UBA1: variants seen among roughly 807,000 people sequenced by gnomAD.
UBA1 encodes the protein ubiquitin-like modifier-activating enzyme 1.
In UBA1, 4 loss-of-function variants were observed where a neutral mutation model predicts 84.7. The ratio of observed to expected loss-of-function variants is 0.05; its 90% confidence interval spans 0.02 to 0.11. UBA1 has a LOEUF of 0.11. Ranked by LOEUF, UBA1 falls within the 10% of genes least tolerant of loss-of-function variation. The pLI is 1.00. For synonymous variants in UBA1, 364 were observed against 362.6 expected (o/e 1.00, Z -0.04); for missense variants, 513 against 902.8 (o/e 0.57, Z 5.53).
At chrX:47,202,051 T>C (rs1299811078) in intron 8 of UBA1, 105 bp from the exon 9 acceptor site, 8 of 659,052 alleles carry the variant, frequency 1.2e-5, no homozygotes, top group Non-Finnish European at 1.9e-5. Context: ...GGAAGACAGC[T>C]TCTGATGTCT....
At chrX:47,207,927 A>G (rs1936740326) in intron 16 of UBA1, among the ~76,000 whole-genome samples, 1 of 111,809 alleles carries the variant, frequency 8.9e-6, no homozygotes, top group Admixed American at 9.5e-5. Context: ...ATATATATGT[A>G]TTTGCTCATT....
rs1556793144 is a variant in UBA1, at chrX:47,210,889, A to G, written c.2247A>G (p.Pro749=). 1 of 1,211,113 alleles carries G rather than the reference A, an allele frequency of 8.3e-7. No individual in the cohort carries two copies. ...APFWSGPKRC[P]HPLTFDVNNP... ...TCTGGTCTGGGCCCAAACGCTGTCC[A>G]CACCCGCTCACCTTTGATGTCAACA... is the stretch of plus-strand genomic sequence containing the variant. Residue 749 remains proline, a synonymous_variant, in exon 19 of 26, where the codon CCA becomes CCG. Coordinates refer to ENST00000335972, the MANE Select transcript of UBA1 (RefSeq NM_003334.4).
intron 14 of UBA1, among the ~76,000 whole-genome samples, chrX:47,204,415 A>G (rs1332811117): frequency 2.7e-5 from 3 of 111,076 alleles, no homozygotes; most frequent in African/African-American, 6.6e-5. Context: ...AACAGTAACT[A>G]CAGAAATAAC....
rs943850965 is a variant in UBA1 at position 47,201,768 on chromosome X, T to A, written c.811+158T>A. Among the ~76,000 whole-genome samples, 3 of 111,768 alleles carry A rather than the reference T, an allele frequency of 2.7e-5. No homozygotes were observed. In the Admixed American group the frequency reaches 2.8e-4, roughly 11 times the overall value. On this transcript the variant is annotated intron_variant, in intron 8 of 25. Coordinates refer to ENST00000335972, the MANE Select transcript of UBA1 (RefSeq NM_003334.4). ...CTACAGACAATCCTGTGGGGTCCAATAAGAGCTGGTGGGCATGGGGGAGAG... is the reference window on the plus strand; with the variant it reads ...CTACAGACAATCCTGTGGGGTCCAAAAAGAGCTGGTGGGCATGGGGGAGAG...
At position 47,203,604 on chromosome X, in the gene UBA1, G is replaced by A. The variant is rs1556789396; in HGVS notation, c.1483G>A (p.Gly495Arg). ...CTTTGCCATGATTGGGCTGGGCTGC[G>A]GGGAGGGTGGAGAAATCATCGTTAC... ...KNFAMIGLGC[G>R]EGGEIIVTDM... The change falls in exon 14 of 26, where the codon GGG becomes AGG. Residue 495 changes from glycine to arginine, a missense_variant. This residue lies in a region of UBA1 where 55 missense variants were observed against 104.8 expected (regional missense o/e 0.52). Coordinates refer to ENST00000335972, the MANE Select transcript of UBA1 (RefSeq NM_003334.4). The A allele has an allele frequency of 6.6e-6, 8 of 1,208,911 alleles. No homozygotes were observed. In the East Asian group the frequency reaches 8.9e-5, roughly 13 times the overall value.
chrX:47,214,237 C>A, intron 23 of UBA1, 90 bp from the exon 24 acceptor site: 1 of 780,907 alleles, frequency 1.3e-6, no homozygotes, highest in Non-Finnish European at 2.0e-6. Context: ...TGACTAAACA[C>A]GTCTGCATGG....
chrX:47,209,855 G>A (rs1269718089), intron 17 of UBA1, 73 bp from the exon 18 acceptor site: 4 of 1,151,533 alleles, frequency 3.5e-6, no homozygotes, highest in African/African-American at 1.8e-5. Context: ...CATGGAGAAA[G>A]TAAGATTGCT....
At chrX:47,192,558 A>G (rs988188831), upstream of UBA1, among the ~76,000 whole-genome samples, 13 of 111,101 alleles carry the variant, frequency 1.2e-4, no homozygotes, top group Admixed American at 2.9e-4. Flanking sequence ...TGTGCCAGCA[A>G]TGTTCTAAGG....
intron 3 of UBA1, 28 bp downstream of exon 3, chrX:47,199,134 G>A: frequency 2.5e-6 from 3 of 1,212,266 alleles, no homozygotes; most frequent in Non-Finnish European, 3.4e-6. Flanking sequence ...CGGGCTGAGG[G>A]GTGTGGAATG....
At chrX:47,191,836 G>T (rs1188725300), upstream of UBA1, 1 of 111,936 alleles carries the variant, frequency 8.9e-6, no homozygotes, top group African/African-American at 3.3e-5. Flanking sequence ...TCCGCGGTTA[G>T]CTTTCCCTTG....
chrX:47,202,682 T>G lies in UBA1; in HGVS notation c.1101T>G (p.Ala367=). ...ELVALAQAVN[A]RALPAVQQNN... is the part of the protein sequence containing the mutation. ...TAGCCTTAGCACAGGCTGTGAATGC[T>G]CGAGCCCTGCCAGCAGTGCAGCAAA... Residue 367 remains alanine (A), a synonymous_variant, in exon 11 of 26, where the codon GCT becomes GCG. Transcript: ENST00000335972. The G allele has an allele frequency of 8.3e-7, 1 of 1,212,079 alleles. No individual in the cohort carries two copies. The highest frequency in any genetic ancestry group is 1.1e-6 in the Non-Finnish European group (1 of 895,527).
chrX:47,215,021 A>G lies in UBA1; in HGVS notation c.*92A>G. The G allele has an allele frequency of 8.7e-7, 1 of 1,147,751 alleles. No individual in the cohort carries two copies. Among genetic ancestry groups the G allele is most frequent in the Non-Finnish European group, 1.2e-6 (1 of 848,827 alleles). The allele number at this position is 1,147,751 out of a possible 1,213,427, so 94.6% of individuals were successfully genotyped here. A position where few individuals can be genotyped will look rare whatever the true frequency, so the allele number is the denominator to read the frequency against. On this transcript the variant is annotated 3_prime_UTR_variant, in exon 26 of 26. Coordinates refer to ENST00000335972, the MANE Select transcript of UBA1 (RefSeq NM_003334.4). ...CCATTTGGCTTCTGGCAGTGGCCCAACTAGCCAAGTCTGGTGTTCCCTCAT... is the reference window on the plus strand; with the variant it reads ...CCATTTGGCTTCTGGCAGTGGCCCAGCTAGCCAAGTCTGGTGTTCCCTCAT...
At position 47,198,810 on chromosome X, in the gene UBA1, G is replaced by A; in HGVS notation, c.8G>A (p.Ser3Asn). 2 of 1,211,536 alleles carry A rather than the reference G, an allele frequency of 1.7e-6. No homozygotes were observed. Among genetic ancestry groups the A allele is most frequent in the Non-Finnish European group, 2.2e-6 (2 of 895,370 alleles). The change falls in exon 2 of 26, where the codon AGC becomes AAC. Residue 3 changes from serine (S) to asparagine (N), a missense_variant. Physicochemically the swap from Ser to Asn is conservative, Grantham distance 46 (BLOSUM62 1). This residue lies in a region of UBA1 where 38 missense variants were observed against 43.4 expected (regional missense o/e 0.88). Coordinates refer to ENST00000335972, the MANE Select transcript of UBA1 (RefSeq NM_003334.4). ...GACCTTTTTTTCCTCCAGATGTCCA[G>A]CTCGCCGCTGTCCAAGAAACGTCGC... MSSSPLSKKRRVS... is the reference protein window; with the variant it reads MSNSPLSKKRRVS...
rs376865055 is a variant in UBA1 at position 47,199,415 on chromosome X, C to T, written c.345+38C>T. The T allele has an allele frequency of 1.1e-5, 13 of 1,210,414 alleles. No homozygotes were observed. In the African/African-American group the frequency reaches 2.1e-4, roughly 20 times the overall value. The stretch of plus-strand genomic sequence containing the variant: ...AGCACCCTTCCCCCTTTCCCCCTTC[C>T]CGAGGCACCACTGTTCCCGGTGCCA... On this transcript the variant is annotated intron_variant, in intron 4 of 25. Transcript: ENST00000335972.
intron 1 of UBA1, chrX:47,198,286 A>G (rs1556786180): frequency 1.0e-6 from 1 of 980,829 alleles, no homozygotes; most frequent in East Asian, 7.5e-5. Flanking sequence ...GCTGCTTGTT[A>G]CTGCCTACCT....
chrX:47,197,868 G>T (rs1602622774), intron 1 of UBA1: 1 of 619,385 alleles, frequency 1.6e-6, no homozygotes, highest in Non-Finnish European at 1.9e-6. Context: ...TAAAGTTGGG[G>T]GTATTATTGA....
chrX:47,192,000 G>A (rs1406734560), upstream of UBA1, among the ~76,000 whole-genome samples: 1 of 112,068 alleles, frequency 8.9e-6, no homozygotes, highest in Non-Finnish European at 1.9e-5. Flanking sequence ...AAATCGTTTT[G>A]TAAGCCTGAA....
At chrX:47,204,197 A>T (rs1445792437) in intron 14 of UBA1, among the ~76,000 whole-genome samples, 1 of 78,516 alleles carries the variant, frequency 1.3e-5, no homozygotes, top group African/African-American at 5.4e-5. Context: ...GCTGGTTGGG[A>T]CAGTGTGTCT....
upstream of UBA1, chrX:47,193,792 C>G (rs781815393): frequency 8.9e-6 from 1 of 111,746 alleles, no homozygotes; most frequent in Non-Finnish European, 1.9e-5. Context: ...GGGGTGGGGC[C>G]CAAGGTTTTG....
Sources: gnomAD v4.1 joint callset for allele counts (sites outside exome capture counted in the v4.1 genomes callset) on GRCh38, gnomAD v4.1.1 for gene constraint, gnomAD v4.1.1 regional missense constraint, MANE v1.5 for transcripts, NCBI Gene and HGNC (gene_info 2026-07-23, HGNC 2026-07-21) for gene names.